The following ACVR2A variants were observed in gnomAD, a reference collection of about 807,000 sequenced individuals.
ACVR2A encodes the protein activin receptor type-2A.
Under a neutral mutation model 61.4 loss-of-function variants are expected in ACVR2A, and 7 were observed. That is an observed-to-expected ratio of 0.11 (90% CI 0.06 to 0.21). The LOEUF is 0.21. Among genes scored for constraint, ACVR2A ranks in the 10% least tolerant of loss-of-function variants. The pLI is 1.00. For synonymous variants in ACVR2A, 193 were observed against 208.3 expected (o/e 0.93, Z 0.63); for missense variants, 322 against 621.7 (o/e 0.52, Z 5.13).
chr2:147,906,680 T>C (rs987337039), intron 4 of ACVR2A, among the ~76,000 whole-genome samples: 3 of 152,162 alleles, frequency 2.0e-5, no homozygotes, highest in Non-Finnish European at 4.4e-5. Flanking sequence ...TGTTGATATA[T>C]GTTAATACTT....
intron 4 of ACVR2A, among the ~76,000 whole-genome samples, chr2:147,909,840 C>T (rs1687073599): frequency 6.6e-6 from 1 of 151,998 alleles, no homozygotes; most frequent in Non-Finnish European, 1.5e-5. Context: ...AGGGATCTCC[C>T]TGTGTTGCCT....
At chr2:147,852,737 T>G (rs1401388249) in intron 1 of ACVR2A, among the ~76,000 whole-genome samples, 1 of 151,966 alleles carries the variant, frequency 6.6e-6, no homozygotes, top group East Asian at 1.9e-4. Context: ...GACTTAGTAC[T>G]GGAAAAAAAG....
intron 8 of ACVR2A, among the ~76,000 whole-genome samples, chr2:147,921,255 G>A (rs1460579425): frequency 2.0e-5 from 3 of 151,804 alleles, no homozygotes; most frequent in South Asian, 4.2e-4. Flanking sequence ...GGCTTGTATC[G>A]AGCTCCTGAC....
At chr2:147,904,431 G>C (rs1200331506) in intron 4 of ACVR2A, among the ~76,000 whole-genome samples, 1 of 151,896 alleles carries the variant, frequency 6.6e-6, no homozygotes, top group Non-Finnish European at 1.5e-5. Flanking sequence ...AATTTTAAGG[G>C]TTAGAAATGA....
Position 147,899,854 on chromosome 2 carries a change from A to G in ACVR2A, c.484A>G (p.Arg162Gly), listed in dbSNP as rs146383418. 370 of 1,613,612 alleles carry G rather than the reference A, an allele frequency of 2.3e-4. No individual in the cohort carries two copies. The highest frequency in any genetic ancestry group is 3.0e-4 in the Non-Finnish European group (353 of 1,179,712). The change falls in exon 4 of 11, where the codon AGG becomes GGG. Residue 162 changes from arginine (R) to glycine (G), a missense_variant. By Grantham distance (125) the Arg-to-Gly change is moderately radical. This residue lies in a region of ACVR2A where 142 missense variants were observed against 200.3 expected (regional missense o/e 0.71). Coordinates refer to ENST00000241416, the MANE Select transcript of ACVR2A (RefSeq NM_001616.5). ...GIVICAFWVY[R>G]HHKMAYPPVL... is the part of the protein sequence containing the mutation. ...TGTCATTTGTGCATTTTGGGTGTAC[A>G]GGCATCACAAGATGGCCTACCCTCC...
At chr2:147,890,923 C>T (rs571421879) in intron 1 of ACVR2A, among the ~76,000 whole-genome samples, 2 of 152,144 alleles carry the variant, frequency 1.3e-5, no homozygotes, top group African/African-American at 4.8e-5. Flanking sequence ...TCCCCGTAAG[C>T]CATTTTCTTT....
chr2:147,847,277 C>A (rs1001240988), intron 1 of ACVR2A, among the ~76,000 whole-genome samples: 2 of 151,922 alleles, frequency 1.3e-5, no homozygotes, highest in African/African-American at 2.4e-5. Context: ...ATCATAAAGA[C>A]CTTAATCCAT....
intron 1 of ACVR2A, among the ~76,000 whole-genome samples, chr2:147,872,683 A>G (rs539368531): frequency 6.6e-6 from 1 of 151,506 alleles, no homozygotes; most frequent in Admixed American, 6.6e-5. Context: ...TTTTTTCTTA[A>G]TAACACATCT....
chr2:147,861,717 T>A (rs1685731490), intron 1 of ACVR2A, among the ~76,000 whole-genome samples: 1 of 152,120 alleles, frequency 6.6e-6, no homozygotes, highest in Non-Finnish European at 1.5e-5. Flanking sequence ...ACACTTCTGA[T>A]CCTAAGCATT....
chr2:147,920,262 A>C lies in ACVR2A; in HGVS notation c.995A>C (p.Asn332Thr), dbSNP rs1558814473. ...DIKSKNVLLK[N>T]NLTACIADFG... ...AAAAGTAAAAATGTGCTGTTGAAAA[A>C]CAACCTGACAGCTTGCATTGCTGAC... Residue 332 changes from asparagine to threonine, a missense_variant, in exon 8 of 11, where the codon AAC becomes ACC. Asn to Thr is a moderately conservative substitution (Grantham distance 65). Transcript: ENST00000241416. The C allele has an allele frequency of 1.2e-6, 2 of 1,613,580 alleles. No homozygotes were observed. The highest frequency in any genetic ancestry group is 1.7e-6 in the Non-Finnish European group (2 of 1,179,644).
In ACVR2A at chr2:147,896,513, G is replaced by A; in HGVS notation, c.263+5G>A. ...TGATATCAACTGCTATGACAGGTAA[G>A]AACACATTTAAGATTTTATGGTAGT... On this transcript the variant is annotated splice_donor_5th_base_variant and intron_variant, in intron 2 of 10. Coordinates refer to ENST00000241416, the MANE Select transcript of ACVR2A (RefSeq NM_001616.5). The A allele has an allele frequency of 6.2e-7, 1 of 1,613,478 alleles. No homozygotes were observed. Among genetic ancestry groups the A allele is most frequent in the Non-Finnish European group, 8.5e-7 (1 of 1,179,614 alleles).
intron 1 of ACVR2A, among the ~76,000 whole-genome samples, chr2:147,878,766 C>A (rs527728050): frequency 6.6e-6 from 1 of 151,920 alleles, no homozygotes; most frequent in Non-Finnish European, 1.5e-5. Flanking sequence ...AAAAAAAAGC[C>A]GGTGTGGTGG....
chr2:147,882,978 C>G (rs575275159), intron 1 of ACVR2A, among the ~76,000 whole-genome samples: 2 of 151,940 alleles, frequency 1.3e-5, no homozygotes, highest in Non-Finnish European at 2.9e-5. Context: ...AATTTATTCT[C>G]TTTCTTCATA....
At position 147,924,967 on chromosome 2, in the gene ACVR2A, T is replaced by C. The variant is rs532305722; in HGVS notation, c.1217-1064T>C. 4.6e-5 allele frequency among the ~76,000 whole-genome samples: 7 copies of C among 152,046 alleles called. No homozygotes were observed. In the South Asian group the frequency reaches 1.5e-3, roughly 32 times the overall value. ...GACCAACTGTCCAGCCATAGATAATTCTTATATTTGAAGAGGGTTAAGTTA... is the reference window on the plus strand; with the variant it reads ...GACCAACTGTCCAGCCATAGATAATCCTTATATTTGAAGAGGGTTAAGTTA... On this transcript the variant is annotated intron_variant, in intron 9 of 10. Coordinates refer to ENST00000241416, the MANE Select transcript of ACVR2A (RefSeq NM_001616.5).
At chr2:147,863,229 A>G (rs1385064306) in intron 1 of ACVR2A, among the ~76,000 whole-genome samples, 1 of 152,182 alleles carries the variant, frequency 6.6e-6, no homozygotes, top group African/African-American at 2.4e-5. Flanking sequence ...GTTAACAGCA[A>G]CTACTGTTGC....
intron 1 of ACVR2A, among the ~76,000 whole-genome samples, chr2:147,882,024 C>A (rs1310918191): frequency 6.6e-6 from 1 of 152,098 alleles, no homozygotes; most frequent in Non-Finnish European, 1.5e-5. Context: ...AAAGGAAATT[C>A]TACCATTACA....
chr2:147,859,829 C>T (rs530915029), intron 1 of ACVR2A, among the ~76,000 whole-genome samples: 12 of 152,244 alleles, frequency 7.9e-5, no homozygotes, highest in African/African-American at 2.6e-4. Context: ...AAAACAGGGT[C>T]ATACAGATAA....
In ACVR2A at chr2:147,928,261, T is replaced by TTTATC. The variant is rs1203556640; in HGVS notation, c.*990_*994dup. On this transcript the variant is annotated 3_prime_UTR_variant, in exon 11 of 11. Transcript: ENST00000241416. ...GCTGTGACACTGGAAAGCTCTTCAT[T>TTTATC]TTATCTTTTAAAATAGAGTTTTTTC... is the stretch of plus-strand genomic sequence containing the variant. 2 of 152,376 alleles carry TTTATC rather than the reference T, an allele frequency of 1.3e-5. No individual in the cohort carries two copies. The highest frequency in any genetic ancestry group is 4.8e-5 in the African/African-American group (2 of 41,396). The allele number at this position is 152,376 out of a possible 1,614,324, so 9.4% of individuals were successfully genotyped here. A position where few individuals can be genotyped will look rare whatever the true frequency, so the allele number is the denominator to read the frequency against.
chr2:147,899,799 C>G lies in ACVR2A; in HGVS notation c.429C>G (p.Ser143=). ...KPPYYNILLY[S]LVPLMLIAGI... Reference sequence around the variant, plus strand: ...CCTATTACAACATCCTGCTCTATTCCTTGGTGCCACTTATGTTAATTGCGG... The same window carrying G: ...CCTATTACAACATCCTGCTCTATTCGTTGGTGCCACTTATGTTAATTGCGG... The change falls in exon 4 of 11, where the codon TCC becomes TCG. Residue 143 remains serine, a synonymous_variant. Transcript: ENST00000241416. 1 of 1,613,780 alleles carries G rather than the reference C, an allele frequency of 6.2e-7. No individual in the cohort carries two copies. Among genetic ancestry groups the G allele is most frequent in the Non-Finnish European group, 8.5e-7 (1 of 1,179,756 alleles).
Sources: gnomAD v4.1 joint callset for allele counts (sites outside exome capture counted in the v4.1 genomes callset) on GRCh38, gnomAD v4.1.1 for gene constraint, gnomAD v4.1.1 regional missense constraint, MANE v1.5 for transcripts, NCBI Gene and HGNC (gene_info 2026-07-23, HGNC 2026-07-21) for gene names.